PYM1: variants seen among roughly 807,000 people sequenced by gnomAD.
PYM1 encodes the protein PYM1 exon junction complex associated factor, also known as partner of Y14 and mago.
In PYM1, 7 loss-of-function variants were observed where a neutral mutation model predicts 20.7. That is an observed-to-expected ratio of 0.34 (90% CI 0.19 to 0.64). PYM1 has a LOEUF of 0.64. PYM1 is among the 30% of genes least tolerant of loss of function. PYM1 has a pLI of 0.74. For synonymous variants in PYM1, 100 were observed against 99.2 expected (o/e 1.01, Z -0.05); for missense variants, 194 against 250.0 (o/e 0.78, Z 1.51).
At chr12:55,907,491 G>A (rs560552755) in intron 1 of PYM1, among the ~76,000 whole-genome samples, 6 of 150,038 alleles carry the variant, frequency 4.0e-5, no homozygotes, top group African/African-American at 7.5e-5. Context: ...AAAATTAGCC[G>A]GGCACGGCGG....
Position 55,915,131 on chromosome 12 carries a change from CT to C in PYM1, c.38-11652del, listed in dbSNP as rs1194120492. On this transcript the variant is annotated intron_variant, in intron 1 of 2. Coordinates refer to ENST00000408946, the MANE Select transcript of PYM1 (RefSeq NM_032345.3). ...TCAGGAGGCTGAGGCAAGAGAATCC[CT>C]TGAAGGCGGGAGGCAGAGGTTGCAG... Among the ~76,000 whole-genome samples, 4 of 145,536 alleles carry C rather than the reference CT, an allele frequency of 2.7e-5. No individual in the cohort carries two copies. In the Admixed American group the frequency reaches 2.9e-4, roughly 11 times the overall value.
At position 55,909,493 on chromosome 12, in the gene PYM1, A is replaced by G. The variant is rs867122546; in HGVS notation, c.38-6013T>C. Among the ~76,000 whole-genome samples, 6 of 151,870 alleles carry G rather than the reference A, an allele frequency of 4.0e-5. No homozygotes were observed. The South Asian group carries it at 6.2e-4, about 16-fold the overall frequency. Reference sequence around the variant, plus strand: ...AATGAATTAATCCTTTATGCGAAGTATTGTCTTAGGGCTTTGAATAAATGA... The same window carrying G: ...AATGAATTAATCCTTTATGCGAAGTGTTGTCTTAGGGCTTTGAATAAATGA... On this transcript the variant is annotated intron_variant, in intron 1 of 2. Transcript: ENST00000408946.
intron 1 of PYM1, among the ~76,000 whole-genome samples, chr12:55,919,021 A>C (rs1413367179): frequency 1.3e-5 from 2 of 152,228 alleles, no homozygotes; most frequent in African/African-American, 4.8e-5. Context: ...ACACCAAAAA[A>C]GATTTTGCGT....
rs766521601 is a variant in PYM1 at position 55,903,337 on chromosome 12, T to C, written c.131+50A>G. On this transcript the variant is annotated intron_variant, in intron 2 of 2. Coordinates refer to ENST00000408946, the MANE Select transcript of PYM1 (RefSeq NM_032345.3). ...TTGTAGGCATAAGGATATTCTATCC[T>C]TCTGTAGGGACCCCATCAGAAAACC... 31 of 1,547,356 alleles carry C rather than the reference T, an allele frequency of 2.0e-5. No homozygotes were observed. The African/African-American group carries it at 3.5e-4, about 18-fold the overall frequency.
intron 1 of PYM1, 97 bp from the exon 2 acceptor site, chr12:55,903,577 C>A (rs1882732734): frequency 2.6e-6 from 3 of 1,138,636 alleles, no homozygotes; most frequent in East Asian, 2.5e-5. Flanking sequence ...TCTCTCAGCA[C>A]CCATTCATCC....
chr12:55,927,233 T>G (rs1309244739), intron 1 of PYM1: 3 of 1,369,644 alleles, frequency 2.2e-6, no homozygotes, highest in African/African-American at 1.4e-5. Context: ...CACCATTTCA[T>G]GGGCGGAGGT....
chr12:55,927,859 C>T lies in PYM1; in HGVS notation c.-98G>A. ...ATTCGGCGGCGAAGTGATGAGGGCCCTAGTTGCTTCTCGCCCAGACCTCCT... is the reference window on the plus strand; with the variant it reads ...ATTCGGCGGCGAAGTGATGAGGGCCTTAGTTGCTTCTCGCCCAGACCTCCT... On this transcript the variant is annotated 5_prime_UTR_variant, in exon 1 of 3. Coordinates refer to ENST00000408946, the MANE Select transcript of PYM1 (RefSeq NM_032345.3). The T allele has an allele frequency of 6.9e-7, 1 of 1,454,048 alleles. No homozygotes were observed. The highest frequency in any genetic ancestry group is 9.2e-7 in the Non-Finnish European group (1 of 1,088,420). The allele number at this position is 1,454,048 out of a possible 1,614,324, so 90.1% of individuals were successfully genotyped here.
chr12:55,918,027 G>T (rs777466200), intron 1 of PYM1, among the ~76,000 whole-genome samples: 1 of 151,476 alleles, frequency 6.6e-6, no homozygotes, highest in South Asian at 2.1e-4. Context: ...CTGGGTGATG[G>T]GATCACTCAT....
chr12:55,922,296 C>A (rs71459322), intron 1 of PYM1, among the ~76,000 whole-genome samples: 1 of 151,908 alleles, frequency 6.6e-6, no homozygotes, highest in African/African-American at 2.4e-5. Context: ...CAAACAATAT[C>A]TCTGCCAGAT....
intron 1 of PYM1, among the ~76,000 whole-genome samples, chr12:55,926,543 G>A (rs1345287504): frequency 1.3e-5 from 2 of 152,142 alleles, no homozygotes; most frequent in East Asian, 3.8e-4. Flanking sequence ...GTTGTATTAG[G>A]GTCCTCTTCC....
intron 1 of PYM1, among the ~76,000 whole-genome samples, chr12:55,922,445 C>CAAAAAA: frequency 1.2e-5 from 1 of 86,216 alleles, no homozygotes; most frequent in East Asian, 3.3e-4. Context: ...CCATCTTTAC[C>CAAAAAA]AAAAAAAAAA....
chr12:55,904,927 C>T lies in PYM1; in HGVS notation c.38-1447G>A, dbSNP rs1230962524. On this transcript the variant is annotated intron_variant, in intron 1 of 2. Coordinates refer to ENST00000408946, the MANE Select transcript of PYM1 (RefSeq NM_032345.3). ...AACATGTGGAGTAGTGGTCCTCTAA[C>T]TTTTTTTATTTCAGGACCCCCTTTA... 2.0e-5 allele frequency among the ~76,000 whole-genome samples: 3 copies of T among 151,918 alleles called. No homozygotes were observed. In the East Asian group the frequency reaches 5.8e-4, roughly 29 times the overall value.
chr12:55,911,578 C>T (rs772883404), intron 1 of PYM1, among the ~76,000 whole-genome samples: 1 of 152,054 alleles, frequency 6.6e-6, no homozygotes, highest in Non-Finnish European at 1.5e-5. Flanking sequence ...TGGTGGCTCA[C>T]GCCTGTAATC....
Position 55,902,003 on chromosome 12 carries a change from G to A in PYM1, c.484C>T (p.Arg162Trp), listed in dbSNP as rs940850878. ...CGCTGCTGCAGCTCTTCCACCTGCCGGAGTTTCTTCTTTAGGTTCTTTATC... is the reference window on the plus strand; with the variant it reads ...CGCTGCTGCAGCTCTTCCACCTGCCAGAGTTTCTTCTTTAGGTTCTTTATC... ...KKIKNLKKKL[R>W]QVEELQQRIQ... The change falls in exon 3 of 3, where the codon CGG (arginine) becomes TGG (tryptophan). Residue 162 changes from arginine (R) to tryptophan (W), a missense_variant. Around this residue, in one of 3 missense-constraint regions of PYM1, gnomAD observed 158 missense variants for 179.0 expected, o/e 0.88. Transcript: ENST00000408946. 4 of 1,614,098 alleles carry A rather than the reference G, an allele frequency of 2.5e-6. No homozygotes were observed. Among genetic ancestry groups the A allele is most frequent in the Non-Finnish European group, 3.4e-6 (4 of 1,180,026 alleles).
intron 1 of PYM1, among the ~76,000 whole-genome samples, chr12:55,904,823 GTCTCA>G (rs1261333672): frequency 6.6e-6 from 1 of 151,298 alleles, no homozygotes; most frequent in East Asian, 1.9e-4. Context: ...GTTGCAGTGA[GTCTCA>G]AAAAAAATAA....
intron 1 of PYM1, among the ~76,000 whole-genome samples, chr12:55,925,413 A>C (rs1289975765): frequency 6.6e-6 from 1 of 152,230 alleles, no homozygotes; most frequent in African/African-American, 2.4e-5. Flanking sequence ...GATGAGATCC[A>C]GGTTGTAGTG....
intron 1 of PYM1, among the ~76,000 whole-genome samples, chr12:55,917,381 T>C (rs901779606): frequency 4.1e-5 from 6 of 146,726 alleles, no homozygotes; most frequent in South Asian, 2.2e-4. Flanking sequence ...GGTCGCACCA[T>C]TGCACTCCAG....
At chr12:55,927,526 G>A in intron 1 of PYM1, 199 bp downstream of exon 1, 2 of 701,118 alleles carry the variant, frequency 2.9e-6, no homozygotes, top group South Asian at 3.5e-5. Context: ...ATCTCAGAGC[G>A]GCTTGGTGAC....
At chr12:55,904,595 CAAAAAAAA>C (rs57817659) in intron 1 of PYM1, among the ~76,000 whole-genome samples, 855 of 67,088 alleles carry the variant, frequency 0.013, 5 homozygotes, top group African/African-American at 0.031. Flanking sequence ...GACTCCATCT[CAAAAAAAA>C]AAAAAAAAAA....
Sources: allele counts gnomAD v4.1 joint callset (sites outside exome capture counted in the v4.1 genomes callset), GRCh38; gene constraint gnomAD v4.1.1; regional missense constraint gnomAD v4.1.1; transcripts MANE v1.5; gene names NCBI Gene and HGNC (gene_info 2026-07-23, HGNC 2026-07-21).